KCNIP4: variants seen among roughly 807,000 people sequenced by gnomAD.
KCNIP4 encodes potassium voltage-gated channel interacting protein 4.
KCNIP4 carries 12 observed loss-of-function variants against 34.0 expected under a neutral mutation model. The ratio of observed to expected loss-of-function variants is 0.35; its 90% CI spans 0.23 to 0.57. KCNIP4 has a LOEUF of 0.57. Ranked by LOEUF, KCNIP4 falls within the 20% of genes least tolerant of loss-of-function variation. The pLI, the probability that KCNIP4 is intolerant of heterozygous loss-of-function variation, is 0.83. For synonymous variants in KCNIP4, 124 were observed against 102.2 expected (o/e 1.21, Z -1.29); for missense variants, 238 against 311.7 (o/e 0.76, Z 1.78).
chr4:20,909,755 C>T (rs1728152177), intron 1 of KCNIP4, among the ~76,000 whole-genome samples: 1 of 152,124 alleles, frequency 6.6e-6, no homozygotes, highest in African/African-American at 2.4e-5. Flanking sequence ...GAGACACTTA[C>T]CAATGTCTAT....
At chr4:20,838,668 A>T (rs1477784425) in intron 3 of KCNIP4, among the ~76,000 whole-genome samples, 3 of 152,128 alleles carry the variant, frequency 2.0e-5, no homozygotes, top group African/African-American at 7.2e-5. Flanking sequence ...GACCCAGTTT[A>T]TAGGATATAG....
At chr4:20,971,730 A>G (rs1256735502) in intron 1 of KCNIP4, among the ~76,000 whole-genome samples, 3 of 152,176 alleles carry the variant, frequency 2.0e-5, no homozygotes, top group Non-Finnish European at 2.9e-5. Context: ...TGAAGGTTGG[A>G]GTAATTGTGG....
At chr4:21,176,096 G>T (rs1754389333) in intron 1 of KCNIP4, among the ~76,000 whole-genome samples, 1 of 152,158 alleles carries the variant, frequency 6.6e-6, no homozygotes, top group Non-Finnish European at 1.5e-5. Flanking sequence ...CAAAGTCACT[G>T]AATTAGACAA....
chr4:21,718,442 GA>G (rs1714552994), intron 1 of KCNIP4: 1 of 151,910 alleles, frequency 6.6e-6, no homozygotes, highest in South Asian at 2.1e-4. Context: ...AAATAATACT[GA>G]AAGGTTTTTT....
intron 1 of KCNIP4, among the ~76,000 whole-genome samples, chr4:21,008,679 A>G (rs1284175302): frequency 1.3e-5 from 2 of 148,750 alleles, no homozygotes; most frequent in Admixed American, 6.8e-5. Flanking sequence ...GCCCGCCACC[A>G]CGCCCGGCTA....
At chr4:21,819,699 G>T (rs958199304) in intron 1 of KCNIP4, among the ~76,000 whole-genome samples, 4 of 152,086 alleles carry the variant, frequency 2.6e-5, no homozygotes, top group Non-Finnish European at 5.9e-5. Flanking sequence ...TTAGTTTTGT[G>T]ATTGCCTTTA....
chr4:20,904,839 T>C (rs1188327769), intron 1 of KCNIP4, among the ~76,000 whole-genome samples: 1 of 152,196 alleles, frequency 6.6e-6, no homozygotes, highest in Non-Finnish European at 1.5e-5. Flanking sequence ...CTTGTGTTTA[T>C]CCTTGGTCAT....
intron 1 of KCNIP4, among the ~76,000 whole-genome samples, chr4:21,478,459 CA>C (rs1240572862): frequency 6.6e-6 from 1 of 152,086 alleles, no homozygotes; most frequent in Non-Finnish European, 1.5e-5. Context: ...GGGGAAATAG[CA>C]AACAAAACAA....
chr4:21,812,705 T>C (rs574260296), intron 1 of KCNIP4, among the ~76,000 whole-genome samples: 5 of 152,290 alleles, frequency 3.3e-5, no homozygotes, highest in South Asian at 2.1e-4. Context: ...CACCATATGA[T>C]AGAAAATCAA....
chr4:20,784,230 T>C (rs1394512401), intron 3 of KCNIP4, among the ~76,000 whole-genome samples: 3 of 152,196 alleles, frequency 2.0e-5, no homozygotes, highest in African/African-American at 7.2e-5. Context: ...TTTGCTTGAA[T>C]TGAAAAGGCA....
chr4:20,817,983 T>C (rs1716623975), intron 3 of KCNIP4, among the ~76,000 whole-genome samples: 1 of 152,178 alleles, frequency 6.6e-6, no homozygotes, highest in South Asian at 2.1e-4. Context: ...TCTTTAGAGC[T>C]ATGCTTTTGG....
intron 3 of KCNIP4, among the ~76,000 whole-genome samples, chr4:20,803,807 C>T (rs982154113): frequency 1.3e-4 from 19 of 150,692 alleles, no homozygotes; most frequent in African/African-American, 3.7e-4. Context: ...TAGAAAGAAT[C>T]GAGAATATAT....
chr4:21,577,677 A>C (rs1272385180), intron 1 of KCNIP4, among the ~76,000 whole-genome samples: 1 of 151,950 alleles, frequency 6.6e-6, no homozygotes, highest in Non-Finnish European at 1.5e-5. Context: ...CAATTCCATA[A>C]ATGCAGTATA....
intron 1 of KCNIP4, among the ~76,000 whole-genome samples, chr4:21,884,100 G>A (rs958055728): frequency 2.0e-5 from 3 of 152,062 alleles, no homozygotes; most frequent in Admixed American, 6.6e-5. Flanking sequence ...TAGCATAAAC[G>A]AATGTAACCT....
chr4:20,786,628 T>C (rs1431604753), intron 3 of KCNIP4, among the ~76,000 whole-genome samples: 1 of 152,196 alleles, frequency 6.6e-6, no homozygotes, highest in Admixed American at 6.6e-5. Flanking sequence ...GGGTAATTTC[T>C]GTCCTGTTCT....
chr4:21,820,842 T>C (rs1321779493), intron 1 of KCNIP4, among the ~76,000 whole-genome samples: 1 of 152,130 alleles, frequency 6.6e-6, no homozygotes, highest in African/African-American at 2.4e-5. Flanking sequence ...CATCAGAAAA[T>C]GGCTGATTTC....
At chr4:21,236,888 T>C (rs1320498241) in intron 1 of KCNIP4, among the ~76,000 whole-genome samples, 3 of 150,844 alleles carry the variant, frequency 2.0e-5, no homozygotes, top group Non-Finnish European at 4.4e-5. Context: ...GTGCCTGTAA[T>C]GCCAATTACT....
intron 1 of KCNIP4, chr4:21,762,880 G>A (rs555842288): frequency 1.6e-6 from 2 of 1,227,532 alleles, no homozygotes; most frequent in East Asian, 5.7e-5. Context: ...AGAAGATTGG[G>A]AGGGGGGTGT....
At chr4:21,311,868 A>G (rs900560749) in intron 1 of KCNIP4, among the ~76,000 whole-genome samples, 5 of 152,132 alleles carry the variant, frequency 3.3e-5, no homozygotes, top group Non-Finnish European at 5.9e-5. Context: ...AAAGGGTCCT[A>G]TCATCATTTC....
Sources: gnomAD v4.1 joint callset for allele counts (sites outside exome capture counted in the v4.1 genomes callset) on GRCh38, gnomAD v4.1.1 for gene constraint, MANE v1.5 for transcripts, NCBI Gene and HGNC (gene_info 2026-07-23, HGNC 2026-07-21) for gene names.